Variants in DSCAML1 observed in about 807,000 individuals in gnomAD.
The protein encoded by DSCAML1 is cell adhesion molecule DSCAML1.
Under a neutral mutation model 200.5 loss-of-function variants are expected in DSCAML1, and 38 were observed. That is an observed-to-expected ratio of 0.19 (90% CI 0.15 to 0.25). The LOEUF is 0.25. Ranked by LOEUF, DSCAML1 falls within the 10% of genes least tolerant of loss-of-function variation. The pLI is 1.00. For synonymous variants in DSCAML1, 1,215 were observed against 1,165.0 expected (o/e 1.04, Z -0.87); for missense variants, 2,223 against 2,858.8 (o/e 0.78, Z 5.07).
intron 11 of DSCAML1, among the ~76,000 whole-genome samples, chr11:117,491,768 T>C (rs1044127071): frequency 6.6e-6 from 1 of 152,148 alleles, no homozygotes; most frequent in African/African-American, 2.4e-5. Flanking sequence ...AGTGAGACTC[T>C]GTGTCAATAA....
intron 1 of DSCAML1, among the ~76,000 whole-genome samples, chr11:117,791,326 T>C (rs903572475): frequency 3.3e-5 from 5 of 152,068 alleles, no homozygotes; most frequent in Admixed American, 2.0e-4. Context: ...GCCTGAAAAA[T>C]AGAGGTTCAT....
chr11:117,524,882 T>C lies in DSCAML1; in HGVS notation c.860A>G (p.Glu287Gly), dbSNP rs760524700. The C allele has an allele frequency of 3.7e-6, 6 of 1,611,024 alleles. No homozygotes were observed. Among genetic ancestry groups the C allele is most frequent in the Non-Finnish European group, 5.1e-6 (6 of 1,178,832 alleles). ...TGLTISDLRT[E>G]DSGTYICEVT... Reference sequence around the variant, plus strand: ...CTCACAAATGTAGGTGCCGCTGTCCTCGGTCCGCAAGTCGCTGATGGTCAG... The same window carrying C: ...CTCACAAATGTAGGTGCCGCTGTCCCCGGTCCGCAAGTCGCTGATGGTCAG... The change falls in exon 5 of 33, where the codon GAG becomes GGG. Residue 287 changes from glutamate to glycine, a missense_variant. Around this residue, in one of 7 missense-constraint regions of DSCAML1, gnomAD observed 579 missense variants for 721.5 expected, o/e 0.80. Transcript: ENST00000651296.
intron 8 of DSCAML1, among the ~76,000 whole-genome samples, chr11:117,512,761 T>TCA (rs71037482): frequency 0.22 from 24,796 of 112,574 alleles, 2,523 homozygotes; most frequent in Non-Finnish European, 0.26. Context: ...TCCTCTAGGA[T>TCA]CACACACACA....
chr11:117,803,273 T>C (rs1403466580), intron 1 of DSCAML1, among the ~76,000 whole-genome samples: 1 of 152,112 alleles, frequency 6.6e-6, no homozygotes, highest in African/African-American at 2.4e-5. Flanking sequence ...GGGGTGTGTG[T>C]GTAGCATAGG....
intron 8 of DSCAML1, among the ~76,000 whole-genome samples, chr11:117,515,012 C>T (rs982035141): frequency 6.6e-6 from 1 of 151,986 alleles, no homozygotes; most frequent in African/African-American, 2.4e-5. Flanking sequence ...ATGTGAGAGG[C>T]ACACAGTGCG....
chr11:117,621,958 C>T (rs2051943676), intron 3 of DSCAML1, among the ~76,000 whole-genome samples: 1 of 152,144 alleles, frequency 6.6e-6, no homozygotes, highest in Admixed American at 6.5e-5. Flanking sequence ...AAAAAGTTTT[C>T]TATACATTGA....
chr11:117,647,784 G>A (rs2052546508), intron 3 of DSCAML1, among the ~76,000 whole-genome samples: 1 of 152,222 alleles, frequency 6.6e-6, no homozygotes, highest in South Asian at 2.1e-4. Flanking sequence ...AGACCAAGAG[G>A]GAGTTCAGGA....
At chr11:117,572,901 G>T (rs940422735) in intron 3 of DSCAML1, among the ~76,000 whole-genome samples, 2 of 152,298 alleles carry the variant, frequency 1.3e-5, no homozygotes, top group African/African-American at 4.8e-5. Context: ...ATCAGGCATC[G>T]CCCGGGGGCA....
chr11:117,617,680 GCACACACACACACACACACACA>G (rs36207373), intron 3 of DSCAML1, among the ~76,000 whole-genome samples: 1 of 142,904 alleles, frequency 7.0e-6, no homozygotes, highest in Admixed American at 6.9e-5. Context: ...ACAGGTACAC[GCACACACACACACACACACACA>G]CACACACACA....
intron 3 of DSCAML1, among the ~76,000 whole-genome samples, chr11:117,558,363 C>T (rs566039746): frequency 6.6e-6 from 1 of 152,320 alleles, no homozygotes; most frequent in Non-Finnish European, 1.5e-5. Context: ...AAATTCCAGG[C>T]ACCTTACTAG....
Position 117,689,594 on chromosome 11 carries a change from G to A in DSCAML1, c.511+87197C>T, listed in dbSNP as rs912350069. 3.3e-5 allele frequency among the ~76,000 whole-genome samples: 5 copies of A among 152,294 alleles called. No individual in the cohort carries two copies. The East Asian group carries it at 9.6e-4, about 29-fold the overall frequency. On this transcript the variant is annotated intron_variant, in intron 3 of 32. Coordinates refer to ENST00000651296, the MANE Select transcript of DSCAML1 (RefSeq NM_020693.4). ...CTCAGCTTCTGGGGTGCTTAGATGG[G>A]ACATAGAGTGGGGGTGAAGGAGATG...
chr11:117,552,705 C>T (rs974708711), intron 3 of DSCAML1, among the ~76,000 whole-genome samples: 3 of 152,182 alleles, frequency 2.0e-5, no homozygotes, highest in African/African-American at 7.2e-5. Flanking sequence ...GTTTTGAGGT[C>T]GAGACAACAG....
At chr11:117,777,086 T>A in intron 2 of DSCAML1, 149 bp from the exon 3 acceptor site, 1 of 810,660 alleles carries the variant, frequency 1.2e-6, no homozygotes, top group Non-Finnish European at 1.9e-6. Context: ...TTAGCCAGCC[T>A]AGAAGCCCCT....
At chr11:117,559,343 G>T (rs510250) in intron 3 of DSCAML1, among the ~76,000 whole-genome samples, 95,637 of 151,878 alleles carry the variant, frequency 0.63, 31,053 homozygotes, top group African/African-American at 0.79. Context: ...CACATTCCTT[G>T]TCACTGACCC....
chr11:117,545,427 A>T (rs554812731), intron 3 of DSCAML1, among the ~76,000 whole-genome samples: 22 of 152,266 alleles, frequency 1.4e-4, no homozygotes, highest in African/African-American at 4.8e-4. Flanking sequence ...TGTTTAGGCC[A>T]CCCAGTCTGT....
At chr11:117,534,269 T>G (rs960632278) in intron 3 of DSCAML1, among the ~76,000 whole-genome samples, 1 of 152,202 alleles carries the variant, frequency 6.6e-6, no homozygotes, top group African/African-American at 2.4e-5. Context: ...GACCTCACCG[T>G]AGGGCACCTT....
At position 117,465,018 on chromosome 11, in the gene DSCAML1, C is replaced by T; in HGVS notation, c.3189G>A (p.Gly1063=). The change falls in exon 17 of 33, where the codon GGG becomes GGA. Residue 1063 remains glycine (G), a synonymous_variant. Coordinates refer to ENST00000651296, the MANE Select transcript of DSCAML1 (RefSeq NM_020693.4). ...CCCGATTGAAGGCTTGGACCACCAC[C>T]CCATACTGGGCGAACTTCTTGAGGT... ...LDNLKKFAQY[G]VVVQAFNRAG... 1 of 1,614,098 alleles carries T rather than the reference C, an allele frequency of 6.2e-7. No individual in the cohort carries two copies. Among genetic ancestry groups the T allele is most frequent in the Non-Finnish European group, 8.5e-7 (1 of 1,179,960 alleles).
At chr11:117,806,823 G>A (rs1014471176) in intron 1 of DSCAML1, among the ~76,000 whole-genome samples, 1 of 152,148 alleles carries the variant, frequency 6.6e-6, no homozygotes, top group Non-Finnish European at 1.5e-5. Context: ...TACAAAAGTG[G>A]GGAGAACAGT....
In DSCAML1 at chr11:117,687,426, A is replaced by ATTTTTTTTTTTTTTTTTTTTTTTTTTT. The variant is rs71037492; in HGVS notation, c.511+89364_511+89365insAAAAAAAAAAAAAAAAAAAAAAAAAAA. 4.9e-4 allele frequency among the ~76,000 whole-genome samples: 48 copies of ATTTTTTTTTTTTTTTTTTTTTTTTTTT among 97,634 alleles called. 5 individuals are homozygous for ATTTTTTTTTTTTTTTTTTTTTTTTTTT. The highest frequency in any genetic ancestry group is 1.5e-3 in the East Asian group (5 of 3,408). 64.1% of individuals were successfully genotyped at this position (97,634 alleles called of 152,430 possible). On this transcript the variant is annotated intron_variant, in intron 3 of 32. Transcript: ENST00000651296. Reference sequence around the variant, plus strand: ...CAGGTGTGCTCCACCATGCCTGGCTATTTTTTTTTTTTTTTTTTTTTTAGA... The same window carrying ATTTTTTTTTTTTTTTTTTTTTTTTTTT: ...CAGGTGTGCTCCACCATGCCTGGCTATTTTTTTTTTTTTTTTTTTTTTTTTTTTTTTTTTTTTTTTTTTTTTTTTAGA...
Sources: gnomAD v4.1 joint callset for allele counts (sites outside exome capture counted in the v4.1 genomes callset) on GRCh38, gnomAD v4.1.1 for gene constraint, gnomAD v4.1.1 regional missense constraint, MANE v1.5 for transcripts, NCBI Gene and HGNC (gene_info 2026-07-23, HGNC 2026-07-21) for gene names.